Variants in DDX19B observed in about 807,000 individuals in gnomAD.
DDX19B encodes the protein DEAD-box helicase 19B.
Under a neutral mutation model 58.1 loss-of-function variants are expected in DDX19B, and 27 were observed. The observed-to-expected ratio is 0.46, with a 90% confidence interval of 0.34 to 0.64. The LOEUF (loss-of-function observed/expected upper bound fraction) is 0.64. Among genes scored for constraint, DDX19B ranks in the 30% least tolerant of loss-of-function variants. DDX19B has a pLI of 0.01. For synonymous variants in DDX19B, 187 were observed against 214.4 expected (o/e 0.87, Z 1.12); for missense variants, 399 against 596.5 (o/e 0.67, Z 3.45).
At chr16:70,304,620 G>A (rs1300063330) in intron 1 of DDX19B, among the ~76,000 whole-genome samples, 4 of 151,964 alleles carry the variant, frequency 2.6e-5, no homozygotes, top group African/African-American at 4.8e-5. Context: ...TGATCCATCC[G>A]CCTTGGCCTC....
chr16:70,325,592 A>T lies in DDX19B; in HGVS notation c.511A>T (p.Thr171Ser), dbSNP rs776132389. The T allele has an allele frequency of 6.2e-7, 1 of 1,613,810 alleles. No individual in the cohort carries two copies. Among genetic ancestry groups the T allele is most frequent in the Admixed American group, 1.7e-5 (1 of 59,906 alleles). The change falls in exon 7 of 12, where the codon ACG (threonine) becomes TCG (serine). Residue 171 changes from threonine to serine, a missense_variant. Around this residue, in one of 4 missense-constraint regions of DDX19B, gnomAD observed 67 missense variants for 74.3 expected, o/e 0.90. Coordinates refer to ENST00000288071, the MANE Select transcript of DDX19B (RefSeq NM_007242.7). ...CTGCCAGTGTCTATGTCTCTCCCCA[A>T]CGTATGAGCTCGCCCTCCAAACAGG... ...KYPQCLCLSP[T>S]YELALQTGKV...
At chr16:70,303,596 G>A (rs886449321) in intron 1 of DDX19B, among the ~76,000 whole-genome samples, 10 of 151,938 alleles carry the variant, frequency 6.6e-5, no homozygotes, top group African/African-American at 2.4e-4. Context: ...TTGCTCTGTC[G>A]CCTGGGCTGG....
At chr16:70,299,137 C>T (rs2152181619), upstream of DDX19B, 1 of 1,358,192 alleles carries the variant, frequency 7.4e-7, no homozygotes, top group South Asian at 1.8e-5. Context: ...CAAAGGGTGG[C>T]CAAACAGGAG....
rs187264401 is a variant in DDX19B, at chr16:70,316,780, C to A, written c.296+676C>A. 9.2e-5 allele frequency among the ~76,000 whole-genome samples: 14 copies of A among 152,246 alleles called. No individual in the cohort carries two copies. The East Asian group carries it at 2.5e-3, about 27-fold the overall frequency. On this transcript the variant is annotated intron_variant, in intron 4 of 11. Coordinates refer to ENST00000288071, the MANE Select transcript of DDX19B (RefSeq NM_007242.7). ...CAGCTCAATTATTGTTGATTACAAA[C>A]TATGTGTAGGCCAGGCATAGTGGCT...
upstream of DDX19B, chr16:70,295,069 G>A (rs751372291): frequency 7.0e-6 from 9 of 1,282,596 alleles, no homozygotes; most frequent in Non-Finnish European, 8.9e-6. Flanking sequence ...TCTGTGAGGT[G>A]GGTACTTCCT....
intron 10 of DDX19B, 34 bp from the exon 11 acceptor site, chr16:70,332,934 T>C: frequency 6.2e-7 from 1 of 1,614,138 alleles, no homozygotes; most frequent in Non-Finnish European, 8.5e-7. Context: ...CTCCTGTCCT[T>C]AGTCCTCTCA....
At chr16:70,304,290 C>T (rs1385059997) in intron 1 of DDX19B, among the ~76,000 whole-genome samples, 9 of 151,452 alleles carry the variant, frequency 5.9e-5, no homozygotes, top group Admixed American at 4.0e-4. Context: ...CTGCCCGCCT[C>T]GGCCTCCCAA....
chr16:70,291,736 G>A (rs548821620), upstream of DDX19B, among the ~76,000 whole-genome samples: 11 of 151,572 alleles, frequency 7.3e-5, no homozygotes, highest in African/African-American at 2.2e-4. Flanking sequence ...GCGTGAACCC[G>A]GGAGGCGGAG....
At chr16:70,311,811 T>C (rs756793601) in intron 1 of DDX19B, among the ~76,000 whole-genome samples, 1 of 152,044 alleles carries the variant, frequency 6.6e-6, no homozygotes, top group Admixed American at 6.6e-5. Context: ...GTATGACTGA[T>C]TCCTACCCAC....
intron 10 of DDX19B, 44 bp from the exon 11 acceptor site, chr16:70,332,924 C>T (rs1567641340): frequency 3.7e-6 from 6 of 1,614,132 alleles, no homozygotes; most frequent in South Asian, 1.1e-5. Flanking sequence ...ACTGATTTGC[C>T]TCCTGTCCTT....
At chr16:70,301,921 ATT>A (rs772503910) in intron 1 of DDX19B, among the ~76,000 whole-genome samples, 12 of 130,228 alleles carry the variant, frequency 9.2e-5, no homozygotes, top group Non-Finnish European at 8.4e-5. Flanking sequence ...TGGCCCTTTA[ATT>A]TTTTTTTTTT....
At chr16:70,307,242 G>A (rs963907101) in intron 1 of DDX19B, among the ~76,000 whole-genome samples, 13 of 152,140 alleles carry the variant, frequency 8.5e-5, no homozygotes, top group African/African-American at 3.1e-4. Context: ...CTAGAAGTGG[G>A]ACTGCTGGAT....
At chr16:70,295,135 G>A, upstream of DDX19B, 2 of 1,139,754 alleles carry the variant, frequency 1.8e-6, no homozygotes, top group South Asian at 6.7e-5. Context: ...AATGCAGGAG[G>A]CTGAATTCCA....
chr16:70,326,687 C>A (rs1335561757), intron 7 of DDX19B, among the ~76,000 whole-genome samples: 13 of 151,992 alleles, frequency 8.6e-5, no homozygotes, highest in Non-Finnish European at 1.6e-4. Flanking sequence ...CAGGTGCCTG[C>A]CACCATGGCT....
In DDX19B at chr16:70,335,029, T is replaced by G. The variant is rs1963649285; in HGVS notation, c.*1447T>G. ...CCGTATTTAGGCCAGATCTGCCTCC[T>G]GGGAAGGGAAGGGGCCAATGTCAGC... On this transcript the variant is annotated 3_prime_UTR_variant, in exon 12 of 12. Transcript: ENST00000288071. 2 of 152,186 alleles carry G rather than the reference T, an allele frequency of 1.3e-5. No homozygotes were observed. The highest frequency in any genetic ancestry group is 4.1e-4 in the South Asian group (2 of 4,834). 9.4% of individuals were successfully genotyped at this position (152,186 alleles called of 1,614,324 possible).
At chr16:70,313,294 A>G (rs1480485675) in intron 2 of DDX19B, among the ~76,000 whole-genome samples, 2 of 152,142 alleles carry the variant, frequency 1.3e-5, no homozygotes, top group African/African-American at 4.8e-5. Context: ...CTGGGATTAT[A>G]GGTGTGAGCC....
At chr16:70,326,877 C>T (rs1409002517) in intron 7 of DDX19B, among the ~76,000 whole-genome samples, 2 of 151,262 alleles carry the variant, frequency 1.3e-5, no homozygotes, top group Admixed American at 6.6e-5. Flanking sequence ...CCCTGTCGCC[C>T]AGGCTGGAGA....
At chr16:70,289,836 TA>T (rs898829626), upstream of DDX19B, 20 of 391,700 alleles carry the variant, frequency 5.1e-5, no homozygotes, top group African/African-American at 4.5e-4. Flanking sequence ...TTGACATAGT[TA>T]AAAAGGGGAG....
chr16:70,297,749 CTT>C (rs922805271), upstream of DDX19B, among the ~76,000 whole-genome samples: 13 of 152,130 alleles, frequency 8.5e-5, no homozygotes, highest in Non-Finnish European at 1.5e-5. Context: ...GAGGCAGAGT[CTT>C]ACTCTGTTGC....
Sources: allele counts gnomAD v4.1 joint callset (sites outside exome capture counted in the v4.1 genomes callset), GRCh38; gene constraint gnomAD v4.1.1; regional missense constraint gnomAD v4.1.1; transcripts MANE v1.5; gene names NCBI Gene and HGNC (gene_info 2026-07-23, HGNC 2026-07-21).